The following GPM6A variants were observed in gnomAD, a reference collection of about 807,000 sequenced individuals.
GPM6A encodes the protein glycoprotein M6A.
GPM6A carries 7 observed loss-of-function variants against 32.1 expected under a neutral mutation model. The observed-to-expected ratio is 0.22, with a 90% CI of 0.12 to 0.41. The LOEUF is 0.41. Ranked by LOEUF, GPM6A falls within the 10% of genes least tolerant of loss-of-function variation. The probability of loss-of-function intolerance (pLI) is 1.00; values close to 1 mark genes in which losing one functional copy is unlikely to be tolerated. For missense variants in GPM6A, 235 were observed against 347.2 expected, an observed-to-expected ratio of 0.68 and a Z score of 2.57; for synonymous variants, 130 against 123.4, an observed-to-expected ratio of 1.05 and a Z score of -0.35.
chr4:175,865,612 C>A (rs1736710008), intron 1 of GPM6A, among the ~76,000 whole-genome samples: 2 of 152,064 alleles, frequency 1.3e-5, no homozygotes, highest in South Asian at 2.1e-4. Flanking sequence ...TTTCATAAAT[C>A]TTTTATCTTT....
At chr4:175,734,513 A>G (rs1731572198) in intron 1 of GPM6A, among the ~76,000 whole-genome samples, 1 of 152,022 alleles carries the variant, frequency 6.6e-6, no homozygotes, top group South Asian at 2.1e-4. Flanking sequence ...TGCTAGTTTC[A>G]AGGTTTCTCA....
intron 1 of GPM6A, among the ~76,000 whole-genome samples, chr4:175,963,836 C>G (rs1258508883): frequency 6.6e-6 from 1 of 151,656 alleles, no homozygotes; most frequent in Non-Finnish European, 1.5e-5. Flanking sequence ...ATGACTGACA[C>G]CAATGTTATA....
intron 1 of GPM6A, among the ~76,000 whole-genome samples, chr4:175,930,749 G>A (rs533100193): frequency 1.3e-5 from 2 of 152,050 alleles, no homozygotes; most frequent in African/African-American, 4.8e-5. Context: ...ATACCAAACA[G>A]TGAAGGCAAT....
intron 1 of GPM6A, among the ~76,000 whole-genome samples, chr4:175,818,252 G>A (rs1213237070): frequency 6.6e-6 from 1 of 152,154 alleles, no homozygotes; most frequent in Non-Finnish European, 1.5e-5. Flanking sequence ...GTCCATTTGT[G>A]AATGTTGTTT....
At position 175,888,243 on chromosome 4, in the gene GPM6A, A is replaced by G. The variant is rs1055908591; in HGVS notation, c.-22-75994T>C. 4.7e-4 allele frequency among the ~76,000 whole-genome samples: 72 copies of G among 152,174 alleles called. 1 individual carries two copies. The highest frequency in any genetic ancestry group is 3.4e-3 in the Middle Eastern group (1 of 294). On this transcript the variant is annotated intron_variant, in intron 1 of 7. Coordinates refer to the GPM6A transcript ENST00000280187. ...ACAAGGTATTTGTGCAATAAAATAA[A>G]TTGATAAATTCAGTACGCTTTTATG...
At chr4:175,754,969 C>T (rs1732473147) in intron 1 of GPM6A, among the ~76,000 whole-genome samples, 1 of 151,894 alleles carries the variant, frequency 6.6e-6, no homozygotes, top group Non-Finnish European at 1.5e-5. Context: ...ACTCCCCCCA[C>T]AACACACACG....
chr4:175,881,115 A>C (rs565679291), intron 1 of GPM6A, among the ~76,000 whole-genome samples: 1 of 152,338 alleles, frequency 6.6e-6, no homozygotes, highest in South Asian at 2.1e-4. Flanking sequence ...GCTAATATCC[A>C]GAATCTACAA....
intron 1 of GPM6A, among the ~76,000 whole-genome samples, chr4:175,756,746 G>A (rs1323389916): frequency 6.6e-6 from 1 of 152,024 alleles, no homozygotes; most frequent in African/African-American, 2.4e-5. Context: ...AATAATATAT[G>A]CAATCATTAA....
At chr4:175,797,752 A>T (rs1734292198) in intron 1 of GPM6A, among the ~76,000 whole-genome samples, 1 of 152,150 alleles carries the variant, frequency 6.6e-6, no homozygotes, top group Non-Finnish European at 1.5e-5. Flanking sequence ...TCAAAGGCAA[A>T]ATTATAGCGG....
chr4:175,666,489 A>G (rs1040689411), intron 3 of GPM6A, among the ~76,000 whole-genome samples: 1 of 152,196 alleles, frequency 6.6e-6, no homozygotes, highest in African/African-American at 2.4e-5. Context: ...TTTTCTGAAA[A>G]TAATTTTTCA....
rs562869711 is a variant in GPM6A at position 175,636,937 on chromosome 4, C to CATATATAT, written c.685-1888_685-1881dup. On this transcript the variant is annotated intron_variant, in intron 6 of 6. Transcript: ENST00000393658. ...ATTTCTTTTCAGTATTTCACTCATG[C>CATATATAT]ATATATATATATATATATGTATTTA... Among the ~76,000 whole-genome samples the CATATATAT allele has an allele frequency of 8.7e-4, 108 of 124,218 alleles. 1 individual carries two copies. Among genetic ancestry groups the CATATATAT allele is most frequent in the African/African-American group, 3.2e-3 (104 of 32,944 alleles). The allele number at this position is 124,218 out of a possible 152,430, so 81.5% of individuals were successfully genotyped here.
chr4:175,782,688 T>C (rs375056706), intron 1 of GPM6A, among the ~76,000 whole-genome samples: 2 of 152,110 alleles, frequency 1.3e-5, no homozygotes, highest in African/African-American at 4.8e-5. Flanking sequence ...ACCTTATACA[T>C]TTAAACTACT....
chr4:175,828,818 T>G (rs1735516403), intron 1 of GPM6A, among the ~76,000 whole-genome samples: 1 of 152,220 alleles, frequency 6.6e-6, no homozygotes, highest in Admixed American at 6.5e-5. Flanking sequence ...CAATAAACTT[T>G]ATCTTTTAAT....
chr4:175,651,877 TGTG>T lies in GPM6A; in HGVS notation c.495_497del (p.Thr166del). ...AGCAGAGATTTGCTCCCTCCACTAA[TGTG>T]GTGTTCCGGCAGATGGTCCACAGAT... On this transcript the variant is annotated inframe_deletion, in exon 4 of 7. Transcript: ENST00000393658. The T allele has an allele frequency of 6.2e-7, 1 of 1,613,496 alleles. No individual in the cohort carries two copies. Among genetic ancestry groups the T allele is most frequent in the Non-Finnish European group, 8.5e-7 (1 of 1,179,598 alleles).
At chr4:175,729,220 C>T (rs1293379382) in intron 1 of GPM6A, among the ~76,000 whole-genome samples, 2 of 152,164 alleles carry the variant, frequency 1.3e-5, no homozygotes, top group African/African-American at 2.4e-5. Flanking sequence ...TTTGCTAAAA[C>T]AATCCTAGCT....
chr4:175,824,140 T>C (rs7673185), intron 1 of GPM6A, among the ~76,000 whole-genome samples: 8,954 of 152,196 alleles, frequency 0.059, 846 homozygotes, highest in African/African-American at 0.21. Flanking sequence ...TCAAGGATGT[T>C]TTATTGGCCC....
chr4:175,874,320 T>C (rs1361692901), intron 1 of GPM6A, among the ~76,000 whole-genome samples: 1 of 152,128 alleles, frequency 6.6e-6, no homozygotes, highest in East Asian at 1.9e-4. Context: ...GTCAGAGACA[T>C]TTTAAAAATT....
At chr4:175,729,968 C>A (rs919298493) in intron 1 of GPM6A, among the ~76,000 whole-genome samples, 11 of 147,492 alleles carry the variant, frequency 7.5e-5, no homozygotes, top group Non-Finnish European at 1.5e-4. Flanking sequence ...TATATAAAGT[C>A]AACTTCTCTC....
At chr4:175,674,438 G>A (rs1014423730) in intron 2 of GPM6A, among the ~76,000 whole-genome samples, 2 of 152,128 alleles carry the variant, frequency 1.3e-5, no homozygotes, top group African/African-American at 4.8e-5. Flanking sequence ...GCTTCCCAAA[G>A]TGCTAGGATT....
Sources: gnomAD v4.1 joint callset for allele counts (sites outside exome capture counted in the v4.1 genomes callset) on GRCh38, gnomAD v4.1.1 for gene constraint, MANE v1.5 for transcripts, NCBI Gene and HGNC (gene_info 2026-07-23, HGNC 2026-07-21) for gene names.